ARHGAP15: variants seen among roughly 807,000 people sequenced by gnomAD.
ARHGAP15 encodes Rho GTPase activating protein 15, also known as rho GTPase-activating protein 15.
Under a neutral mutation model 63.7 loss-of-function variants are expected in ARHGAP15, and 51 were observed. The ratio of observed to expected loss-of-function variants is 0.80; its 90% CI spans 0.64 to 1.01. The LOEUF (loss-of-function observed/expected upper bound fraction) is 1.01, where lower values mean the gene tolerates loss of function less well. ARHGAP15 is among the 50% of genes least tolerant of loss of function. The pLI, the probability that ARHGAP15 is intolerant of heterozygous loss-of-function variation, is 0.00. For synonymous variants in ARHGAP15, 191 were observed against 193.8 expected (o/e 0.99, Z 0.12); for missense variants, 560 against 564.6 (o/e 0.99, Z 0.08).
At position 143,281,808 on chromosome 2, in the gene ARHGAP15, A is replaced by G. The variant is rs80157506; in HGVS notation, c.474+31208A>G. On this transcript the variant is annotated intron_variant, in intron 6 of 13. Coordinates refer to ENST00000295095, the MANE Select transcript of ARHGAP15 (RefSeq NM_018460.4). ...TTTTAAAGAATCCTACTATTGAGAT[A>G]AAGAGAAGAAAAACATTTCTCACTT... Among the ~76,000 whole-genome samples, 1,512 of 152,326 alleles carry G rather than the reference A, an allele frequency of 9.9e-3. 14 individuals carry two copies. Among genetic ancestry groups the G allele is most frequent in the Non-Finnish European group, 0.016 (1,079 of 68,018 alleles).
chr2:143,723,243 T>G (rs1685139404), intron 13 of ARHGAP15, among the ~76,000 whole-genome samples: 1 of 152,158 alleles, frequency 6.6e-6, no homozygotes, highest in Non-Finnish European at 1.5e-5. Context: ...GATGATGCAT[T>G]TATCAGAATG....
chr2:143,545,673 A>G (rs1306367120), intron 10 of ARHGAP15, among the ~76,000 whole-genome samples: 2 of 152,108 alleles, frequency 1.3e-5, no homozygotes, highest in Admixed American at 6.5e-5. Context: ...ATATTTATAT[A>G]ATATTTTCAT....
intron 10 of ARHGAP15, among the ~76,000 whole-genome samples, chr2:143,535,650 A>G (rs1694721423): frequency 1.3e-5 from 2 of 152,290 alleles, no homozygotes; most frequent in South Asian, 2.1e-4. Context: ...TTTCATTTCT[A>G]TCTCTCATGG....
chr2:143,333,952 A>C (rs1684660742), intron 6 of ARHGAP15, among the ~76,000 whole-genome samples: 1 of 152,212 alleles, frequency 6.6e-6, no homozygotes, highest in African/African-American at 2.4e-5. Flanking sequence ...GAAAGAACAA[A>C]GGCACCAAAA....
chr2:143,201,612 C>T (rs1227469961), intron 2 of ARHGAP15, among the ~76,000 whole-genome samples: 1 of 152,108 alleles, frequency 6.6e-6, no homozygotes, highest in East Asian at 1.9e-4. Flanking sequence ...TCTTTATACT[C>T]ACAAGCTTGG....
intron 10 of ARHGAP15, among the ~76,000 whole-genome samples, chr2:143,538,613 C>G (rs1367765169): frequency 6.6e-6 from 1 of 152,134 alleles, no homozygotes; most frequent in Non-Finnish European, 1.5e-5. Context: ...TTGTCAAAGG[C>G]CTTTTCTGCA....
intron 6 of ARHGAP15, among the ~76,000 whole-genome samples, chr2:143,396,422 G>A (rs1344300361): frequency 1.3e-5 from 2 of 151,860 alleles, no homozygotes; most frequent in Admixed American, 6.6e-5. Context: ...CTTAACTCAG[G>A]AATACAGCAT....
At position 143,231,654 on chromosome 2, in the gene ARHGAP15, C is replaced by T. The variant is rs149630124; in HGVS notation, c.384+2986C>T. On this transcript the variant is annotated intron_variant, in intron 5 of 13. Transcript: ENST00000295095. ...GTTACTTTCCTTTCTCACTGAAGTT[C>T]TTCCAGTTCATATCTGTCTTACTCA... Among the ~76,000 whole-genome samples, 293 of 152,320 alleles carry T rather than the reference C, an allele frequency of 1.9e-3. 1 individual carries two copies. Among genetic ancestry groups the T allele is most frequent in the African/African-American group, 6.8e-3 (282 of 41,578 alleles).
At chr2:143,645,144 T>C (rs1039360145) in intron 12 of ARHGAP15, among the ~76,000 whole-genome samples, 5 of 152,010 alleles carry the variant, frequency 3.3e-5, no homozygotes, top group African/African-American at 1.2e-4. Context: ...CAGGCAAAAA[T>C]GAACTTTGGC....
chr2:143,140,529 T>C (rs1037641844), intron 1 of ARHGAP15, among the ~76,000 whole-genome samples: 13 of 152,092 alleles, frequency 8.5e-5, no homozygotes, highest in African/African-American at 3.1e-4. Flanking sequence ...AATTTTTGCA[T>C]GGAGTGGTAA....
Position 143,524,728 on chromosome 2 carries a change from C to T in ARHGAP15, c.925+5364C>T, listed in dbSNP as rs59211275. ...TATTTGGATATGTGTGTTAATATCA[C>T]GAGAAAGCGTGGCTGGACACCTACT... On this transcript the variant is annotated intron_variant, in intron 10 of 13. Coordinates refer to ENST00000295095, the MANE Select transcript of ARHGAP15 (RefSeq NM_018460.4). Among the ~76,000 whole-genome samples the T allele has an allele frequency of 5.6e-3, 859 of 152,208 alleles. 9 individuals carry two copies. Among genetic ancestry groups the T allele is most frequent in the African/African-American group, 0.02 (811 of 41,522 alleles).
intron 6 of ARHGAP15, among the ~76,000 whole-genome samples, chr2:143,400,713 T>A (rs1687954335): frequency 6.6e-6 from 1 of 151,986 alleles, no homozygotes; most frequent in South Asian, 2.1e-4. Context: ...GGATAGGGTG[T>A]TCCGTCCTTC....
At chr2:143,190,445 C>T (rs1189278154) in intron 2 of ARHGAP15, among the ~76,000 whole-genome samples, 1 of 152,174 alleles carries the variant, frequency 6.6e-6, no homozygotes, top group African/African-American at 2.4e-5. Flanking sequence ...TTGCCTCTGA[C>T]ATATCTGGGA....
intron 6 of ARHGAP15, among the ~76,000 whole-genome samples, chr2:143,395,675 G>T (rs1039750111): frequency 6.6e-6 from 1 of 152,028 alleles, no homozygotes; most frequent in Admixed American, 6.6e-5. Flanking sequence ...AGTGAAAAGA[G>T]AATCTAAAAG....
intron 11 of ARHGAP15, among the ~76,000 whole-genome samples, chr2:143,609,285 C>T (rs1179483377): frequency 6.6e-6 from 1 of 152,014 alleles, no homozygotes; most frequent in East Asian, 1.9e-4. Flanking sequence ...TTTTTTCTAC[C>T]ACCTTTTTGC....
At chr2:143,294,441 CAT>C (rs1313233284) in intron 6 of ARHGAP15, among the ~76,000 whole-genome samples, 1 of 152,006 alleles carries the variant, frequency 6.6e-6, no homozygotes, top group African/African-American at 2.4e-5. Flanking sequence ...ATTTTGCACT[CAT>C]GTGAAGTTCA....
At chr2:143,507,699 A>G (rs1028923892) in intron 9 of ARHGAP15, among the ~76,000 whole-genome samples, 1 of 152,158 alleles carries the variant, frequency 6.6e-6, no homozygotes, top group Non-Finnish European at 1.5e-5. Context: ...TGCTTGGTAC[A>G]TATCTCAGAT....
intron 13 of ARHGAP15, among the ~76,000 whole-genome samples, chr2:143,715,772 C>T (rs1323011047): frequency 6.6e-6 from 1 of 152,162 alleles, no homozygotes; most frequent in African/African-American, 2.4e-5. Flanking sequence ...TTGCTTTTGG[C>T]ATCTTCATCA....
chr2:143,310,492 T>C (rs1317920068), intron 6 of ARHGAP15, among the ~76,000 whole-genome samples: 3 of 152,034 alleles, frequency 2.0e-5, no homozygotes, highest in African/African-American at 7.2e-5. Flanking sequence ...TGAATAATTT[T>C]TATATTTATT....
Sources: gnomAD v4.1 joint callset for allele counts (sites outside exome capture counted in the v4.1 genomes callset) on GRCh38, gnomAD v4.1.1 for gene constraint, MANE v1.5 for transcripts, NCBI Gene and HGNC (gene_info 2026-07-23, HGNC 2026-07-21) for gene names.